Variants in MAN2C1 observed in about 807,000 individuals in gnomAD.
MAN2C1 encodes mannosidase alpha class 2C member 1.
In MAN2C1, 111 loss-of-function variants were observed where a neutral mutation model predicts 126.9. The ratio of observed to expected loss-of-function variants is 0.87; its 90% CI spans 0.75 to 1.02. The LOEUF is 1.02. Ranked by LOEUF, MAN2C1 falls within the 50% of genes least tolerant of loss-of-function variation. The pLI, the probability that MAN2C1 is intolerant of heterozygous loss-of-function variation, is 0.00. For missense variants in MAN2C1, 1,363 were observed against 1,364.4 expected (o/e 1.00, Z 0.02); for synonymous variants, 567 against 561.5 (o/e 1.01, Z -0.14).
chr15:75,367,486 CT>C (rs778091433), intron 3 of MAN2C1, 24 bp downstream of exon 3: 1 of 1,612,126 alleles, frequency 6.2e-7, no homozygotes, highest in Non-Finnish European at 8.5e-7. Flanking sequence ...GTGGCCATAC[CT>C]GGCCCTAGGA....
chr15:75,366,062 C>G, intron 4 of MAN2C1: 1 of 323,304 alleles, frequency 3.1e-6, no homozygotes, highest in Non-Finnish European at 6.0e-6. Context: ...ACTCCAGCAT[C>G]GGCGACAGAG....
intron 2 of MAN2C1, 38 bp downstream of exon 2, chr15:75,368,035 A>C (rs765943547): frequency 3.8e-6 from 6 of 1,580,684 alleles, no homozygotes; most frequent in Non-Finnish European, 5.1e-6. Flanking sequence ...GACTTCCCCT[A>C]GGCCTGTGGC....
rs142176551 is a variant in MAN2C1 at position 75,356,322 on chromosome 15, G to A, written c.2865C>T (p.Val955=). The change falls in exon 24 of 26, where the codon GTC becomes GTT. Residue 955 remains valine (V), a synonymous_variant. Coordinates refer to ENST00000267978, the MANE Select transcript of MAN2C1 (RefSeq NM_006715.4). This position sits in a 1 kb window ranked among gnomAD's most constrained non-coding sequence, Gnocchi z 5.8. ...WSAFSVSSPA[V]VLETVKQAES... Reference sequence around the variant, plus strand: ...TTGCCTGCTTGACGGTCTCCAATACGACCGCGGGTGAAGACACGGAAAACG... The same window carrying A: ...TTGCCTGCTTGACGGTCTCCAATACAACCGCGGGTGAAGACACGGAAAACG... 3.8e-5 allele frequency: 62 copies of A among 1,612,334 alleles called. No individual in the cohort carries two copies. The African/African-American group carries it at 5.6e-4, about 15-fold the overall frequency.
rs370272329 is a variant in MAN2C1, at chr15:75,361,154, C to T, written c.1352G>A (p.Arg451Gln). 1.4e-5 allele frequency: 22 copies of T among 1,613,226 alleles called. No individual in the cohort carries two copies. Among genetic ancestry groups the T allele is most frequent in the Middle Eastern group, 3.3e-4 (2 of 6,060 alleles). ...AAAGAGGAAGGCACTGTGGTTGGCC[C>T]GCCCCTTGTCCCGGTTGTTGGCCAC... ...KTVANNRDKG[R>Q]ANHSAFLFGF... The change falls in exon 12 of 26, where the codon CGG becomes CAG. Residue 451 changes from arginine to glutamine, a missense_variant. Physicochemically the swap from Arg to Gln is conservative, Grantham distance 43. Around this residue, in one of 3 missense-constraint regions of MAN2C1, gnomAD observed 628 missense variants for 609.8 expected, o/e 1.03. Coordinates refer to ENST00000267978, the MANE Select transcript of MAN2C1 (RefSeq NM_006715.4). This position sits in a 1 kb window ranked among gnomAD's most constrained non-coding sequence, Gnocchi z 5.0.
In MAN2C1 at chr15:75,362,618, C is replaced by G. The variant is rs753305731; in HGVS notation, c.897+24G>C. ...CCAGGGAGGGCCACGTGCTTCCCTC[C>G]TCCCTCACAGCTGTCCCTCTGACCT... On this transcript the variant is annotated intron_variant, in intron 7 of 25. Transcript: ENST00000267978. This position sits in a 1 kb window ranked among gnomAD's most constrained non-coding sequence, Gnocchi z 4.5. 3 of 1,610,680 alleles carry G rather than the reference C, an allele frequency of 1.9e-6. No homozygotes were observed. The highest frequency in any genetic ancestry group is 2.2e-5 in the South Asian group (2 of 90,898).
intron 1 of MAN2C1, 48 bp downstream of exon 1, chr15:75,368,435 G>A (rs2072635653): frequency 6.6e-7 from 1 of 1,520,014 alleles, no homozygotes. Flanking sequence ...AGGAAAGCTT[G>A]AGGCGCACGG....
At position 75,361,460 on chromosome 15, in the gene MAN2C1, C is replaced by A; in HGVS notation, c.1219-79G>T. On this transcript the variant is annotated intron_variant, in intron 10 of 25. Coordinates refer to ENST00000267978, the MANE Select transcript of MAN2C1 (RefSeq NM_006715.4). The surrounding 1 kb of genome is among the most constrained non-coding windows in gnomAD (Gnocchi z 5.0). ...AGAGCCAGGCCTTCCAGACTTGGTC[C>A]TGCCCCTGCCTGCTATGTGACCCTG... 7.7e-7 allele frequency: 1 copy of A among 1,298,068 alleles called. No individual in the cohort carries two copies. Among genetic ancestry groups the A allele is most frequent in the Non-Finnish European group, 1.1e-6 (1 of 899,232 alleles). 80.4% of individuals were successfully genotyped at this position (1,298,068 alleles called of 1,614,324 possible).
rs1423955103 is a variant in MAN2C1, at chr15:75,360,570, C to A, written c.1579G>T (p.Ala527Ser). 6.2e-7 allele frequency: 1 copy of A among 1,613,700 alleles called. No individual in the cohort carries two copies. The highest frequency in any genetic ancestry group is 2.2e-5 in the East Asian group (1 of 44,876). ...ELHNGTYTTH[A>S]QIKKGNRECE... The stretch of plus-strand genomic sequence containing the variant: ...CCCTGCAACCTCCCCCTGACCTGGG[C>A]ATGGGTGGTGTATGTGCCATTGTGC... The change falls in exon 13 of 26, where the codon GCC (alanine) becomes TCC (serine). Residue 527 changes from alanine (A) to serine (S), a missense_variant. By Grantham distance (99) the Ala-to-Ser change is moderately conservative. This residue lies in a region of MAN2C1 where 67 missense variants were observed against 104.5 expected (regional missense o/e 0.64). Coordinates refer to ENST00000267978, the MANE Select transcript of MAN2C1 (RefSeq NM_006715.4).
At chr15:75,366,099 A>G (rs1369042554) in intron 4 of MAN2C1, 2 of 316,738 alleles carry the variant, frequency 6.3e-6, no homozygotes, top group Non-Finnish European at 1.2e-5. Flanking sequence ...AAAAAAGAAC[A>G]TGAATGCTGA....
Position 75,360,473 on chromosome 15 carries a change from T to C in MAN2C1, c.1584+92A>G. The C allele has an allele frequency of 1.3e-6, 2 of 1,534,972 alleles. 1 individual carries two copies. Among genetic ancestry groups the C allele is most frequent in the South Asian group, 2.5e-5 (2 of 80,962 alleles). On this transcript the variant is annotated intron_variant, in intron 13 of 25. Coordinates refer to ENST00000267978, the MANE Select transcript of MAN2C1 (RefSeq NM_006715.4). ...TCCTCCAAACTTCTCTTCCCCTAGA[T>C]CTGGCCTGGGCTCTGTCCCCTGCTG...
At position 75,364,488 on chromosome 15, in the gene MAN2C1, C is replaced by T. The variant is rs2072536983; in HGVS notation, c.600G>A (p.Lys200=). The change falls in exon 5 of 26, where the codon AAG becomes AAA. Residue 200 remains lysine (K), a splice_region_variant and synonymous_variant. Coordinates refer to ENST00000267978, the MANE Select transcript of MAN2C1 (RefSeq NM_006715.4). ...VDLELLLGIA[K]GLGKDNQRSF... ...AGGGGGTACAGGGGGTGTCAAGTAC[C>T]TTGGCTATGCCCAGCAGCAGCTCCA... 7.6e-6 allele frequency: 12 copies of T among 1,583,388 alleles called. No homozygotes were observed. Among genetic ancestry groups the T allele is most frequent in the Non-Finnish European group, 1.0e-5 (12 of 1,164,292 alleles).
intron 12 of MAN2C1, 149 bp downstream of exon 12, chr15:75,360,897 C>T: frequency 8.1e-7 from 1 of 1,239,672 alleles, no homozygotes; most frequent in Non-Finnish European, 1.1e-6. Flanking sequence ...CCCCACCCAC[C>T]CCCAGGGTGG....
At position 75,362,714 on chromosome 15, in the gene MAN2C1, T is replaced by C. The variant is rs371505553; in HGVS notation, c.825A>G (p.Lys275=). The C allele has an allele frequency of 4.3e-5, 70 of 1,613,972 alleles. No individual in the cohort carries two copies. In the South Asian group the frequency reaches 6.6e-4, roughly 15 times the overall value. The stretch of plus-strand genomic sequence containing the variant: ...GGGCGGTCACCCAGCTCCGGGCACA[T>C]TTCCTCACAGTCTCTTTGAAGGGCC... ...WLWPFKETVR[K]CARSWVTALQ... is the part of the protein sequence containing the mutation. Residue 275 remains lysine (K), a synonymous_variant, in exon 7 of 26, where the codon AAA becomes AAG. Coordinates refer to ENST00000267978, the MANE Select transcript of MAN2C1 (RefSeq NM_006715.4). The surrounding 1 kb of genome is among the most constrained non-coding windows in gnomAD (Gnocchi z 4.5).
intron 4 of MAN2C1, chr15:75,365,888 T>C (rs933973718): frequency 2.5e-6 from 1 of 395,456 alleles, no homozygotes; most frequent in Non-Finnish European, 4.9e-6. Flanking sequence ...AATTTGAGAG[T>C]AGCCTGGCCA....
At chr15:75,363,879 G>A (rs1340350477) in intron 6 of MAN2C1, 120 bp downstream of exon 6, 20 of 1,104,562 alleles carry the variant, frequency 1.8e-5, no homozygotes, top group Non-Finnish European at 2.5e-5. Flanking sequence ...TACAGACGGG[G>A]AAAACGCAGG....
At chr15:75,368,266 G>C in intron 1 of MAN2C1, 68 bp from the exon 2 acceptor site, 3 of 1,532,034 alleles carry the variant, frequency 2.0e-6, no homozygotes, top group Middle Eastern at 2.3e-4. Context: ...CCAGCTGGCC[G>C]GTGGGGCCGC....
chr15:75,357,309 CTT>C (rs766453436), intron 21 of MAN2C1: 360 of 144,720 alleles, frequency 2.5e-3, no homozygotes, highest in South Asian at 9.7e-3. Flanking sequence ...CCACGCCCGG[CTT>C]TTTTTTTTTT....
chr15:75,362,165 G>C lies in MAN2C1; in HGVS notation c.1008+178C>G. 1.5e-6 allele frequency: 1 copy of C among 672,290 alleles called. No homozygotes were observed. The highest frequency in any genetic ancestry group is 2.6e-6 in the Non-Finnish European group (1 of 387,984). 41.6% of individuals were successfully genotyped at this position (672,290 alleles called of 1,614,324 possible). On this transcript the variant is annotated intron_variant, in intron 8 of 25. Transcript: ENST00000267978. The surrounding 1 kb of genome is among the most constrained non-coding windows in gnomAD (Gnocchi z 4.5). The stretch of plus-strand genomic sequence containing the variant: ...CATGCAACTTGTCACAGCGCTGGAG[G>C]CTCTCCTCCCCCTTGAAGTCCCAGG...
At chr15:75,366,420 G>C (rs1354166547) in intron 4 of MAN2C1, 102 bp downstream of exon 4, 1 of 899,682 alleles carries the variant, frequency 1.1e-6, no homozygotes. Flanking sequence ...GATTGTGCTA[G>C]AGCAGAGGCG....
Sources: gnomAD v4.1 joint callset for allele counts on GRCh38, gnomAD v4.1.1 for gene constraint, gnomAD v4.1.1 regional missense constraint, Gnocchi (gnomAD v3.1) non-coding constraint, MANE v1.5 for transcripts, NCBI Gene and HGNC (gene_info 2026-07-23, HGNC 2026-07-21) for gene names.